Variants in CHCHD3 observed in about 807,000 individuals in gnomAD.
CHCHD3 encodes the protein MICOS complex subunit MIC19.
CHCHD3 carries 20 observed loss-of-function variants against 38.2 expected under a neutral mutation model. The ratio of observed to expected loss-of-function variants is 0.52; its 90% CI spans 0.37 to 0.76. CHCHD3 has a LOEUF of 0.76. Among genes scored for constraint, CHCHD3 ranks in the 30% least tolerant of loss-of-function variants. The pLI, the probability that CHCHD3 is intolerant of heterozygous loss-of-function variation, is 0.00. For missense variants in CHCHD3, 245 were observed against 279.2 expected (o/e 0.88, Z 0.87); for synonymous variants, 82 against 100.0 (o/e 0.82, Z 1.07).
At chr7:133,041,679 A>G (rs1238024697) in intron 2 of CHCHD3, among the ~76,000 whole-genome samples, 1 of 152,206 alleles carries the variant, frequency 6.6e-6, no homozygotes, top group Admixed American at 6.5e-5. Context: ...AAATTCACTA[A>G]GCAGAATGAA....
intron 2 of CHCHD3, among the ~76,000 whole-genome samples, chr7:133,048,742 T>C (rs1814066136): frequency 6.6e-6 from 1 of 152,020 alleles, no homozygotes; most frequent in African/African-American, 2.4e-5. Flanking sequence ...AGCAGTAACA[T>C]AGAAATGTAT....
At chr7:133,079,133 C>T (rs887820560) in intron 1 of CHCHD3, among the ~76,000 whole-genome samples, 13 of 152,148 alleles carry the variant, frequency 8.5e-5, no homozygotes, top group African/African-American at 2.9e-4. Flanking sequence ...CAGTCCATAC[C>T]CTTTTAGGTA....
At chr7:132,963,637 A>C (rs1811383580) in intron 4 of CHCHD3, among the ~76,000 whole-genome samples, 1 of 151,586 alleles carries the variant, frequency 6.6e-6, no homozygotes, top group African/African-American at 2.4e-5. Flanking sequence ...TCAAAAAAAA[A>C]AAAAAATTGT....
At chr7:133,069,151 C>T (rs993307701) in intron 2 of CHCHD3, among the ~76,000 whole-genome samples, 1 of 152,142 alleles carries the variant, frequency 6.6e-6, no homozygotes, top group African/African-American at 2.4e-5. Flanking sequence ...GGCATGCTCA[C>T]TTTCTATCTA....
intron 4 of CHCHD3, among the ~76,000 whole-genome samples, chr7:132,929,675 T>C (rs932472785): frequency 6.6e-6 from 1 of 152,132 alleles, no homozygotes; most frequent in Non-Finnish European, 1.5e-5. Context: ...AAGCTGTCAA[T>C]ATCTTGCTAG....
chr7:132,991,764 G>C (rs1234444763), intron 3 of CHCHD3, among the ~76,000 whole-genome samples: 1 of 151,828 alleles, frequency 6.6e-6, no homozygotes, highest in Non-Finnish European at 1.5e-5. Flanking sequence ...TTTCCTCAAG[G>C]ATTTTTCTTC....
At chr7:132,850,438 G>GT (rs55705092) in intron 5 of CHCHD3, among the ~76,000 whole-genome samples, 15,572 of 141,396 alleles carry the variant, frequency 0.11, 1,126 homozygotes, top group East Asian at 0.33. Flanking sequence ...AGAGTCTCAG[G>GT]TTTTTTTTTT....
At chr7:132,816,321 G>A (rs1381362414) in intron 6 of CHCHD3, among the ~76,000 whole-genome samples, 27 of 152,076 alleles carry the variant, frequency 1.8e-4, no homozygotes, top group Admixed American at 1.8e-3. Context: ...TAAAAGAGTT[G>A]GCCTCTATTA....
chr7:132,966,461 G>A (rs185082363), intron 4 of CHCHD3, among the ~76,000 whole-genome samples: 10 of 152,228 alleles, frequency 6.6e-5, no homozygotes, highest in Non-Finnish European at 1.2e-4. Flanking sequence ...ATAAAAGCAC[G>A]GATACAGAAA....
chr7:132,816,258 G>T (rs561835157), intron 6 of CHCHD3, among the ~76,000 whole-genome samples: 153 of 152,208 alleles, frequency 1.0e-3, no homozygotes, highest in African/African-American at 3.5e-3. Context: ...GGGAAGCAAA[G>T]CCAGGAAAAA....
chr7:132,891,897 G>A (rs758041393), intron 4 of CHCHD3, among the ~76,000 whole-genome samples: 5 of 152,192 alleles, frequency 3.3e-5, no homozygotes, highest in Non-Finnish European at 7.3e-5. Flanking sequence ...CTTGCCGTGT[G>A]AAGAAGGTTC....
At chr7:133,045,747 C>G (rs1813963992) in intron 2 of CHCHD3, among the ~76,000 whole-genome samples, 1 of 152,080 alleles carries the variant, frequency 6.6e-6, no homozygotes, top group Non-Finnish European at 1.5e-5. Context: ...GGAGGTGAGG[C>G]CTGATGGGAG....
intron 4 of CHCHD3, among the ~76,000 whole-genome samples, chr7:132,893,154 T>C (rs780383050): frequency 6.6e-6 from 1 of 152,154 alleles, no homozygotes; most frequent in Non-Finnish European, 1.5e-5. Flanking sequence ...ATGGGGGCAG[T>C]ACCCTGCAAA....
At chr7:133,027,363 A>AGAGAGAGAGAGAG (rs1554402334) in intron 2 of CHCHD3, among the ~76,000 whole-genome samples, 6 of 133,792 alleles carry the variant, frequency 4.5e-5, no homozygotes, top group Non-Finnish European at 9.5e-5. Flanking sequence ...AATAAGTTGT[A>AGAGAGAGAGAGAG]AGAGAGAGAG....
Position 133,075,993 on chromosome 7 carries a change from A to T in CHCHD3, c.82-5764T>A, listed in dbSNP as rs147961172. Among the ~76,000 whole-genome samples, 771 of 135,050 alleles carry T rather than the reference A, an allele frequency of 5.7e-3. 7 individuals carry two copies. The highest frequency in any genetic ancestry group is 0.02 in the African/African-American group (723 of 36,298). 88.6% of individuals were successfully genotyped at this position (135,050 alleles called of 152,430 possible). ...AAAATCGCTTGAACCCAGAAGGTGG[A>T]GGTTGCAATGAGCCGAGATCGCACC... On this transcript the variant is annotated intron_variant, in intron 1 of 7. Transcript: ENST00000262570.
chr7:132,941,746 C>T lies in CHCHD3; in HGVS notation c.369+33423G>A, dbSNP rs548829995. ...GGGCAGGAGTGCAGTCAGGGAGGCA[C>T]GGAGCCATTTCTGAAAAGCACAGGA... On this transcript the variant is annotated intron_variant, in intron 4 of 7. Coordinates refer to ENST00000262570, the MANE Select transcript of CHCHD3 (RefSeq NM_017812.4). Among the ~76,000 whole-genome samples the T allele has an allele frequency of 7.9e-5, 12 of 152,202 alleles. No homozygotes were observed. In the East Asian group the frequency reaches 1.4e-3, roughly 17 times the overall value.
At chr7:133,020,930 A>G (rs2117434384) in intron 3 of CHCHD3, among the ~76,000 whole-genome samples, 1 of 144,286 alleles carries the variant, frequency 6.9e-6, no homozygotes, top group East Asian at 2.3e-4. Context: ...GAGCCAAATA[A>G]TTCTTTTTTG....
intron 3 of CHCHD3, among the ~76,000 whole-genome samples, chr7:132,984,408 C>T (rs1237120994): frequency 4.0e-5 from 6 of 149,490 alleles, no homozygotes; most frequent in Non-Finnish European, 7.4e-5. Flanking sequence ...GATCTCGGCT[C>T]GCTACAACCT....
At chr7:132,797,344 C>A (rs1446457348) in intron 6 of CHCHD3, among the ~76,000 whole-genome samples, 3 of 152,110 alleles carry the variant, frequency 2.0e-5, no homozygotes, top group Non-Finnish European at 2.9e-5. Context: ...AAAACCTACT[C>A]ATCCTTTGAT....
Sources: gnomAD v4.1 joint callset for allele counts (sites outside exome capture counted in the v4.1 genomes callset) on GRCh38, gnomAD v4.1.1 for gene constraint, MANE v1.5 for transcripts, NCBI Gene and HGNC (gene_info 2026-07-23, HGNC 2026-07-21) for gene names.